The following ERBB4 variants were observed in gnomAD, a reference collection of about 807,000 sequenced individuals.
ERBB4 encodes the protein erb-b2 receptor tyrosine kinase 4.
Under a neutral mutation model 158.0 loss-of-function variants are expected in ERBB4, and 42 were observed. That is an observed-to-expected ratio of 0.27 (90% CI 0.21 to 0.34). ERBB4 has a LOEUF of 0.34. ERBB4 is among the 10% of genes least tolerant of loss of function. ERBB4 has a pLI of 1.00. For missense variants in ERBB4, 1,333 were observed against 1,624.1 expected (o/e 0.82, Z 3.08); for synonymous variants, 583 against 558.7 (o/e 1.04, Z -0.61).
chr2:212,499,045 G>A (rs930657909), intron 1 of ERBB4, among the ~76,000 whole-genome samples: 2 of 151,534 alleles, frequency 1.3e-5, no homozygotes, highest in Non-Finnish European at 1.5e-5. Context: ...AGTAGGGGTC[G>A]CCGGACTAGA....
intron 1 of ERBB4, among the ~76,000 whole-genome samples, chr2:212,495,724 T>C (rs947873242): frequency 6.6e-6 from 1 of 152,206 alleles, no homozygotes; most frequent in African/African-American, 2.4e-5. Context: ...ATACATTATC[T>C]TTCCTACAAA....
chr2:211,701,629 G>T (rs35641812), intron 12 of ERBB4, among the ~76,000 whole-genome samples: 18,936 of 151,476 alleles, frequency 0.13, 1,338 homozygotes, highest in African/African-American at 0.18. Flanking sequence ...GCGGCGGCGG[G>T]CGCCTGTAGT....
rs1193574389 is a variant in ERBB4, at chr2:212,060,392, G to A, written c.234+64360C>T. Among the ~76,000 whole-genome samples, 3 of 151,742 alleles carry A rather than the reference G, an allele frequency of 2.0e-5. No individual in the cohort carries two copies. The East Asian group carries it at 6.0e-4, about 30-fold the overall frequency. On this transcript the variant is annotated intron_variant, in intron 2 of 27. Transcript: ENST00000342788. Reference sequence around the variant, plus strand: ...GTAAACTAGTTCAACCATTGTGGAAGACAGTGTGGCAATTCCTCAAGGATC... The same window carrying A: ...GTAAACTAGTTCAACCATTGTGGAAAACAGTGTGGCAATTCCTCAAGGATC...
At chr2:211,907,474 G>C (rs897712335) in intron 3 of ERBB4, among the ~76,000 whole-genome samples, 1 of 150,632 alleles carries the variant, frequency 6.6e-6, no homozygotes, top group African/African-American at 2.4e-5. Flanking sequence ...CAGAATACTA[G>C]AGACCATATA....
chr2:211,822,140 T>A (rs1477853019), intron 3 of ERBB4, among the ~76,000 whole-genome samples: 1 of 151,812 alleles, frequency 6.6e-6, no homozygotes, highest in Non-Finnish European at 1.5e-5. Flanking sequence ...TATTAGAGGT[T>A]GGGAAGGGTA....
intron 1 of ERBB4, among the ~76,000 whole-genome samples, chr2:212,219,476 A>G (rs1352754141): frequency 6.6e-6 from 1 of 151,402 alleles, no homozygotes; most frequent in Non-Finnish European, 1.5e-5. Context: ...TTTTAAAGCA[A>G]TTCCCTCCAC....
At chr2:211,534,013 G>A (rs1408326488) in intron 20 of ERBB4, among the ~76,000 whole-genome samples, 1 of 151,968 alleles carries the variant, frequency 6.6e-6, no homozygotes, top group Non-Finnish European at 1.5e-5. Context: ...TTGCTCCAAC[G>A]TAACTAATTA....
intron 3 of ERBB4, among the ~76,000 whole-genome samples, chr2:211,913,817 TAAAC>T (rs2079609307): frequency 6.6e-6 from 1 of 151,120 alleles, no homozygotes; most frequent in Admixed American, 6.6e-5. Context: ...AATTAGAAAA[TAAAC>T]AAAATTAACA....
intron 2 of ERBB4, among the ~76,000 whole-genome samples, chr2:212,083,708 A>G (rs966945071): frequency 9.2e-5 from 14 of 151,968 alleles, no homozygotes; most frequent in African/African-American, 3.4e-4. Flanking sequence ...ACAATCCCAT[A>G]AGTAAAGCAT....
chr2:211,767,557 T>G (rs2075581525), intron 4 of ERBB4, among the ~76,000 whole-genome samples: 1 of 152,122 alleles, frequency 6.6e-6, no homozygotes, highest in Non-Finnish European at 1.5e-5. Flanking sequence ...TGACTGACAG[T>G]TCCATGTGGC....
At chr2:211,443,724 C>T (rs996345360) in intron 20 of ERBB4, among the ~76,000 whole-genome samples, 1 of 151,940 alleles carries the variant, frequency 6.6e-6, no homozygotes, top group Non-Finnish European at 1.5e-5. Context: ...TATATGCAGC[C>T]ATAGGCACGT....
intron 11 of ERBB4, 121 bp from the exon 12 acceptor site, chr2:211,702,287 CTG>C (rs2073283013): frequency 2.5e-6 from 2 of 801,006 alleles, no homozygotes; most frequent in Non-Finnish European, 2.2e-6. Flanking sequence ...ATCAATAAAT[CTG>C]TGTTTAGAAT....
chr2:211,995,029 A>G (rs147323898), intron 2 of ERBB4, among the ~76,000 whole-genome samples: 136 of 152,302 alleles, frequency 8.9e-4, no homozygotes, highest in African/African-American at 3.2e-3. Context: ...TCATTCCAAC[A>G]GAGAGCAGCA....
At chr2:212,521,091 T>C (rs766460835) in intron 1 of ERBB4, among the ~76,000 whole-genome samples, 1 of 151,974 alleles carries the variant, frequency 6.6e-6, no homozygotes, top group Non-Finnish European at 1.5e-5. Context: ...CAGTCATACA[T>C]TGTTTTAGTT....
chr2:211,743,087 T>G (rs2074848715), intron 5 of ERBB4, among the ~76,000 whole-genome samples: 2 of 152,176 alleles, frequency 1.3e-5, no homozygotes, highest in African/African-American at 4.8e-5. Flanking sequence ...GGTTAAAGTA[T>G]GCATTTCTTC....
chr2:211,846,782 G>A (rs758294180), intron 3 of ERBB4, among the ~76,000 whole-genome samples: 16 of 151,944 alleles, frequency 1.1e-4, no homozygotes, highest in Non-Finnish European at 1.9e-4. Flanking sequence ...AAGTCTGAAG[G>A]CAATGCTGAT....
intron 3 of ERBB4, among the ~76,000 whole-genome samples, chr2:211,919,164 C>CT (rs1383562548): frequency 1.3e-5 from 2 of 152,016 alleles, no homozygotes; most frequent in African/African-American, 4.8e-5. Flanking sequence ...TAAGATTCAG[C>CT]TTTTTATGGG....
At chr2:211,771,423 T>C (rs1190391876) in intron 4 of ERBB4, among the ~76,000 whole-genome samples, 2 of 152,212 alleles carry the variant, frequency 1.3e-5, no homozygotes, top group African/African-American at 4.8e-5. Context: ...GCAGTAAGCT[T>C]GTGGGGTACA....
At chr2:212,473,148 ATTG>A (rs1689199079) in intron 1 of ERBB4, among the ~76,000 whole-genome samples, 1 of 151,984 alleles carries the variant, frequency 6.6e-6, no homozygotes, top group Admixed American at 6.6e-5. Flanking sequence ...TATATATATT[ATTG>A]TTAATAAGCA....
Sources: allele counts gnomAD v4.1 joint callset (sites outside exome capture counted in the v4.1 genomes callset), GRCh38; gene constraint gnomAD v4.1.1; transcripts MANE v1.5; gene names NCBI Gene and HGNC (gene_info 2026-07-23, HGNC 2026-07-21).